NAALADL2: variants seen among roughly 807,000 people sequenced by gnomAD.
NAALADL2 encodes N-acetylated alpha-linked acidic dipeptidase like 2.
NAALADL2 carries 76 observed loss-of-function variants against 87.2 expected under a neutral mutation model. The ratio of observed to expected loss-of-function variants is 0.87; its 90% confidence interval spans 0.72 to 1.05. The LOEUF (loss-of-function observed/expected upper bound fraction) is 1.05. Ranked by LOEUF, NAALADL2 falls within the 50% of genes least tolerant of loss-of-function variation. The pLI is 0.00. For synonymous variants in NAALADL2, 354 were observed against 331.0 expected (o/e 1.07, Z -0.75); for missense variants, 1,089 against 945.8 (o/e 1.15, Z -1.99).
intron 1 of NAALADL2, among the ~76,000 whole-genome samples, chr3:174,501,645 ATT>A (rs974905653): frequency 6.6e-6 from 1 of 151,952 alleles, no homozygotes; most frequent in African/African-American, 2.4e-5. Context: ...CTTTAAAGGA[ATT>A]TTTTTCCATT....
intron 9 of NAALADL2, among the ~76,000 whole-genome samples, chr3:175,523,407 C>T (rs760921795): frequency 6.6e-6 from 1 of 152,132 alleles, no homozygotes; most frequent in Non-Finnish European, 1.5e-5. Flanking sequence ...ATATTCTGCC[C>T]CTTTCTACCC....
intron 1 of NAALADL2, among the ~76,000 whole-genome samples, chr3:174,451,000 A>G (rs1715445810): frequency 6.6e-6 from 1 of 152,082 alleles, no homozygotes; most frequent in African/African-American, 2.4e-5. Flanking sequence ...TTTTTTCAAA[A>G]TTTTTAATTT....
At chr3:175,263,418 A>G (rs933833753) in intron 4 of NAALADL2, among the ~76,000 whole-genome samples, 7 of 151,906 alleles carry the variant, frequency 4.6e-5, no homozygotes, top group African/African-American at 1.7e-4. Flanking sequence ...ACCAAATAAA[A>G]GTGTGTCTAC....
chr3:175,586,412 G>A (rs1720546808), intron 10 of NAALADL2, among the ~76,000 whole-genome samples: 3 of 152,146 alleles, frequency 2.0e-5, no homozygotes, highest in Non-Finnish European at 4.4e-5. Flanking sequence ...GGCTGCAGTT[G>A]TCTTCAGTCT....
intron 3 of NAALADL2, among the ~76,000 whole-genome samples, chr3:174,839,178 G>T (rs1723721555): frequency 6.6e-6 from 1 of 152,166 alleles, no homozygotes; most frequent in South Asian, 2.1e-4. Flanking sequence ...AGATAACCCA[G>T]AAATAAACCC....
intron 1 of NAALADL2, among the ~76,000 whole-genome samples, chr3:175,013,301 A>ATATATATTTT (rs1553916905): frequency 1.2e-3 from 84 of 72,016 alleles, no homozygotes; most frequent in African/African-American, 4.5e-3. Flanking sequence ...ATATATATAT[A>ATATATATTTT]TTTTTTTTTT....
intron 3 of NAALADL2, among the ~76,000 whole-genome samples, chr3:174,841,987 G>A (rs1253622718): frequency 6.6e-6 from 1 of 151,736 alleles, no homozygotes; most frequent in African/African-American, 2.4e-5. Flanking sequence ...GTGTGTGAAT[G>A]TGTGTGAAGC....
At chr3:175,486,771 T>A (rs1727338952) in intron 9 of NAALADL2, among the ~76,000 whole-genome samples, 1 of 152,130 alleles carries the variant, frequency 6.6e-6, no homozygotes, top group Non-Finnish European at 1.5e-5. Flanking sequence ...TCAGGCACCT[T>A]AACTCTCACT....
chr3:175,711,975 GT>G (rs1248793822), intron 11 of NAALADL2, among the ~76,000 whole-genome samples: 15 of 151,802 alleles, frequency 9.9e-5, no homozygotes, highest in African/African-American at 3.6e-4. Context: ...TTTGCAAAAG[GT>G]TTACTTCTTC....
At chr3:174,896,686 A>G (rs901722084) in intron 1 of NAALADL2, among the ~76,000 whole-genome samples, 2 of 152,188 alleles carry the variant, frequency 1.3e-5, no homozygotes, top group Admixed American at 1.3e-4. Context: ...TATATGGTTT[A>G]TATGAAACTA....
At chr3:174,938,575 C>T (rs1738062545) in intron 1 of NAALADL2, among the ~76,000 whole-genome samples, 1 of 151,964 alleles carries the variant, frequency 6.6e-6, no homozygotes, top group Non-Finnish European at 1.5e-5. Context: ...GGTAGTTCTG[C>T]TTTTAGCTCT....
chr3:174,939,569 A>G (rs1016101241), intron 1 of NAALADL2, among the ~76,000 whole-genome samples: 8 of 152,102 alleles, frequency 5.3e-5, no homozygotes, highest in African/African-American at 1.9e-4. Context: ...TTTGATAGAA[A>G]TAGCTTTCAA....
chr3:175,397,300 C>A (rs74973865), intron 5 of NAALADL2: 1 of 152,120 alleles, frequency 6.6e-6, no homozygotes. Context: ...CCATGCTAAT[C>A]TTCTCTGTAT....
chr3:175,351,242 A>T (rs953378190), intron 5 of NAALADL2, among the ~76,000 whole-genome samples: 5 of 152,022 alleles, frequency 3.3e-5, no homozygotes, highest in African/African-American at 7.2e-5. Context: ...TTTGATTTTT[A>T]AAAAAATAGC....
chr3:174,882,227 T>C (rs144959976), intron 1 of NAALADL2, among the ~76,000 whole-genome samples: 156 of 152,208 alleles, frequency 1.0e-3, no homozygotes, highest in Middle Eastern at 3.4e-3. Context: ...AGTTCCTTTA[T>C]AAAAATGCAA....
chr3:175,789,880 A>G (rs1752565778), intron 13 of NAALADL2, among the ~76,000 whole-genome samples: 1 of 152,184 alleles, frequency 6.6e-6, no homozygotes, highest in Non-Finnish European at 1.5e-5. Flanking sequence ...AAAGTTATTA[A>G]TAAAAAAATA....
At chr3:174,770,106 T>C (rs1289105282) in intron 3 of NAALADL2, among the ~76,000 whole-genome samples, 1 of 152,158 alleles carries the variant, frequency 6.6e-6, no homozygotes, top group African/African-American at 2.4e-5. Context: ...AAATTGTAAC[T>C]CTTACAGACA....
At chr3:175,624,219 T>C (rs1726663232) in intron 10 of NAALADL2, among the ~76,000 whole-genome samples, 1 of 151,992 alleles carries the variant, frequency 6.6e-6, no homozygotes, top group Non-Finnish European at 1.5e-5. Flanking sequence ...GGCTGATAAA[T>C]AGGATCTTGG....
intron 1 of NAALADL2, among the ~76,000 whole-genome samples, chr3:174,929,287 T>C (rs1189017835): frequency 1.3e-5 from 2 of 152,206 alleles, no homozygotes; most frequent in Non-Finnish European, 2.9e-5. Flanking sequence ...CACTGAAGGA[T>C]TGCAGTGAGG....
Sources: gnomAD v4.1 joint callset for allele counts (sites outside exome capture counted in the v4.1 genomes callset) on GRCh38, gnomAD v4.1.1 for gene constraint, MANE v1.5 for transcripts, NCBI Gene and HGNC (gene_info 2026-07-23, HGNC 2026-07-21) for gene names.